The following CTNNA2 variants were observed in gnomAD, a reference collection of about 807,000 sequenced individuals.
CTNNA2 encodes catenin alpha-2.
A neutral mutation model predicts 101.0 loss-of-function variants in CTNNA2; 42 were observed. The ratio of observed to expected loss-of-function variants is 0.42; its 90% CI spans 0.32 to 0.54. The LOEUF is 0.54. Ranked by LOEUF, CTNNA2 falls within the 20% of genes least tolerant of loss-of-function variation. The pLI is 0.14. For synonymous variants in CTNNA2, 450 were observed against 456.4 expected (o/e 0.99, Z 0.18); for missense variants, 871 against 1,223.1 (o/e 0.71, Z 4.29).
At chr2:80,071,520 C>G (rs1409723265) in intron 7 of CTNNA2, among the ~76,000 whole-genome samples, 1 of 152,200 alleles carries the variant, frequency 6.6e-6, no homozygotes, top group African/African-American at 2.4e-5. Flanking sequence ...ATTTACTGTT[C>G]TACTCCTGCT....
At chr2:79,925,179 G>A (rs574934240) in intron 7 of CTNNA2, among the ~76,000 whole-genome samples, 2 of 151,974 alleles carry the variant, frequency 1.3e-5, no homozygotes, top group African/African-American at 4.8e-5. Context: ...GTTTACTAAA[G>A]GTTACATTTA....
chr2:79,953,842 G>A (rs1169100180), intron 7 of CTNNA2, among the ~76,000 whole-genome samples: 1 of 152,096 alleles, frequency 6.6e-6, no homozygotes, highest in Non-Finnish European at 1.5e-5. Flanking sequence ...CTAGCTCAGT[G>A]CTTATTCACT....
chr2:80,583,467 A>G (rs1036449700), intron 14 of CTNNA2, among the ~76,000 whole-genome samples: 5 of 152,212 alleles, frequency 3.3e-5, no homozygotes, highest in Non-Finnish European at 7.3e-5. Context: ...TAAACAGTCA[A>G]TTCATCTTCA....
At chr2:79,572,792 A>C (rs1191524651) in intron 1 of CTNNA2, among the ~76,000 whole-genome samples, 1 of 152,192 alleles carries the variant, frequency 6.6e-6, no homozygotes, top group African/African-American at 2.4e-5. Context: ...ATGATCTTAC[A>C]TTCCTTTTAT....
chr2:79,676,381 C>T (rs1303882520), intron 2 of CTNNA2, among the ~76,000 whole-genome samples: 1 of 152,052 alleles, frequency 6.6e-6, no homozygotes, highest in African/African-American at 2.4e-5. Flanking sequence ...GCTGTCACAC[C>T]CCTCCCTGGA....
chr2:80,592,753 A>G (rs1288284473), intron 15 of CTNNA2, among the ~76,000 whole-genome samples: 2 of 152,180 alleles, frequency 1.3e-5, no homozygotes, highest in African/African-American at 2.4e-5. Context: ...TTAACATGTT[A>G]GAGGTATTGA....
intron 7 of CTNNA2, among the ~76,000 whole-genome samples, chr2:80,006,799 A>G (rs1267908484): frequency 6.6e-6 from 1 of 152,124 alleles, no homozygotes; most frequent in Admixed American, 6.6e-5. Context: ...TCTGTTTCCC[A>G]TTAATTGCGC....
chr2:79,547,905 T>G (rs1278702668), intron 1 of CTNNA2: 1 of 152,268 alleles, frequency 6.6e-6, no homozygotes, highest in African/African-American at 2.4e-5. Flanking sequence ...ATTTACCTAC[T>G]TATGATTTCT....
intron 1 of CTNNA2, among the ~76,000 whole-genome samples, chr2:79,580,133 T>C (rs1378376584): frequency 1.3e-5 from 2 of 152,132 alleles, no homozygotes; most frequent in Non-Finnish European, 2.9e-5. Flanking sequence ...ATGCAGTGTT[T>C]TTTAGGATCT....
At chr2:79,645,130 G>A (rs540847727) in intron 1 of CTNNA2, among the ~76,000 whole-genome samples, 1 of 151,812 alleles carries the variant, frequency 6.6e-6, no homozygotes, top group East Asian at 1.9e-4. Context: ...CTACAGGTGC[G>A]TGCCACCATG....
At chr2:79,878,802 T>C (rs1683210109) in intron 6 of CTNNA2, among the ~76,000 whole-genome samples, 1 of 152,232 alleles carries the variant, frequency 6.6e-6, no homozygotes, top group South Asian at 2.1e-4. Flanking sequence ...ATTCTTTTGC[T>C]GTGCAGAAGC....
intron 18 of CTNNA2, 25 bp from the exon 19 acceptor site, chr2:80,647,560 G>A (rs746912309): frequency 1.3e-6 from 2 of 1,574,710 alleles, no homozygotes; most frequent in Non-Finnish European, 1.7e-6. Flanking sequence ...TAACCCACAT[G>A]TATCTCATTC....
At chr2:79,907,088 C>T (rs1255050049) in intron 6 of CTNNA2, among the ~76,000 whole-genome samples, 3 of 152,100 alleles carry the variant, frequency 2.0e-5, no homozygotes, top group Admixed American at 2.0e-4. Flanking sequence ...CAGTTCTTGA[C>T]ACGTTTAGTC....
At chr2:80,436,921 C>T (rs1682092797) in intron 9 of CTNNA2, among the ~76,000 whole-genome samples, 1 of 152,184 alleles carries the variant, frequency 6.6e-6, no homozygotes, top group East Asian at 1.9e-4. Context: ...CAGACAATAG[C>T]ACTCCTCAAA....
chr2:79,708,134 G>A (rs771901298), intron 2 of CTNNA2, among the ~76,000 whole-genome samples: 10 of 152,280 alleles, frequency 6.6e-5, no homozygotes, highest in Non-Finnish European at 1.5e-4. Flanking sequence ...AGTGATTGTA[G>A]AGGAAGTTAC....
chr2:80,062,728 T>C (rs1036346313), intron 7 of CTNNA2, among the ~76,000 whole-genome samples: 2 of 134,390 alleles, frequency 1.5e-5, no homozygotes, highest in Admixed American at 7.8e-5. Context: ...TTTTTTGAGA[T>C]GGAGTCTCAC....
chr2:80,547,475 A>G (rs1240162363), intron 11 of CTNNA2, among the ~76,000 whole-genome samples: 1 of 152,124 alleles, frequency 6.6e-6, no homozygotes, highest in Non-Finnish European at 1.5e-5. Flanking sequence ...GTCAAGATAG[A>G]AAGGAAATTT....
At chr2:79,927,331 TGCCTGCAGAGGTGGAGAGTG>T (rs1330949857) in intron 7 of CTNNA2, among the ~76,000 whole-genome samples, 1 of 152,168 alleles carries the variant, frequency 6.6e-6, no homozygotes, top group African/African-American at 2.4e-5. Context: ...ACAGCTATCC[TGCCTGCAGAGGTGGAGAGTG>T]GCTCTTGAGA....
intron 2 of CTNNA2, among the ~76,000 whole-genome samples, chr2:79,718,278 A>T (rs1182461998): frequency 6.6e-6 from 1 of 152,212 alleles, no homozygotes; most frequent in Non-Finnish European, 1.5e-5. Flanking sequence ...CTTTTCTTAA[A>T]AATAAAAACT....
Sources: gnomAD v4.1 joint callset for allele counts (sites outside exome capture counted in the v4.1 genomes callset) on GRCh38, gnomAD v4.1.1 for gene constraint, MANE v1.5 for transcripts, NCBI Gene and HGNC (gene_info 2026-07-23, HGNC 2026-07-21) for gene names.